Variants in AP3B2 observed in about 807,000 individuals in gnomAD.
AP3B2 encodes the protein adaptor related protein complex 3 subunit beta 2, also known as AP-3 complex subunit beta-2.
A neutral mutation model predicts 126.9 loss-of-function variants in AP3B2; 50 were observed. That is an observed-to-expected ratio of 0.39 (90% CI 0.31 to 0.50). The LOEUF (loss-of-function observed/expected upper bound fraction) is 0.50. Among genes scored for constraint, AP3B2 ranks in the 20% least tolerant of loss-of-function variants. The pLI is 0.79. For synonymous variants in AP3B2, 541 were observed against 565.0 expected (o/e 0.96, Z 0.60); for missense variants, 1,177 against 1,426.4 (o/e 0.83, Z 2.82).
Position 82,680,084 on chromosome 15 carries a change from TC to T in AP3B2, c.1110+90del, listed in dbSNP as rs1567265260. On this transcript the variant is annotated intron_variant, in intron 9 of 26. Transcript: ENST00000535359. The surrounding 1 kb of genome is among the most constrained non-coding windows in gnomAD (Gnocchi z 6.1). Reference sequence around the variant, plus strand: ...CCAGGGTATTCCTCCATCTTCCCTTTCCCCGGCCCCGGTCCCAGCCCCGACA... The same window carrying T: ...CCAGGGTATTCCTCCATCTTCCCTTTCCCGGCCCCGGTCCCAGCCCCGACA... The T allele has an allele frequency of 2.1e-5, 33 of 1,542,198 alleles. No homozygotes were observed. The highest frequency in any genetic ancestry group is 2.8e-5 in the Non-Finnish European group (32 of 1,132,790).
intron 14 of AP3B2, among the ~76,000 whole-genome samples, chr15:82,673,484 G>C (rs1488658825): frequency 6.6e-6 from 1 of 152,200 alleles, no homozygotes; most frequent in African/African-American, 2.4e-5. Flanking sequence ...AAAGTGCTGG[G>C]ATTACAGGTG....
intron 1 of AP3B2, among the ~76,000 whole-genome samples, chr15:82,703,193 C>T (rs2048745930): frequency 6.6e-6 from 1 of 152,178 alleles, no homozygotes; most frequent in East Asian, 1.9e-4. Context: ...TGTCTGATCA[C>T]CGCGAGGATG....
intron 14 of AP3B2, among the ~76,000 whole-genome samples, chr15:82,671,926 C>G (rs1461014991): frequency 1.3e-5 from 2 of 151,858 alleles, no homozygotes; most frequent in East Asian, 3.9e-4. Context: ...CGCCTGTAAT[C>G]CCAGCTACTC....
intron 1 of AP3B2, chr15:82,697,782 G>A (rs1176619016): frequency 6.7e-6 from 1 of 148,280 alleles, no homozygotes; most frequent in Non-Finnish European, 1.5e-5. Context: ...CACCTGGGGG[G>A]ATGCCCCCCA....
chr15:82,707,682 T>C (rs889056477), intron 1 of AP3B2, among the ~76,000 whole-genome samples: 2 of 152,248 alleles, frequency 1.3e-5, no homozygotes, highest in African/African-American at 4.8e-5. Flanking sequence ...TTGGATGTCC[T>C]GGGTCCTCCC....
intron 1 of AP3B2, chr15:82,692,402 C>A: frequency 2.1e-6 from 1 of 479,370 alleles, no homozygotes; most frequent in East Asian, 4.1e-5. Flanking sequence ...CCCGCAGCGT[C>A]CCCGCGGGCT....
intron 4 of AP3B2, chr15:82,687,821 A>C (rs1239412908): frequency 1.3e-5 from 2 of 152,230 alleles, no homozygotes; most frequent in African/African-American, 4.8e-5. Flanking sequence ...AACTAAAAGT[A>C]TCCAGGCTAG....
chr15:82,670,123 G>A (rs1210932624), intron 14 of AP3B2, among the ~76,000 whole-genome samples: 3 of 130,288 alleles, frequency 2.3e-5, no homozygotes, highest in African/African-American at 5.8e-5. Context: ...GGCGGGGGGG[G>A]ACGAAGATGA....
Position 82,676,595 on chromosome 15 carries a change from A to G in AP3B2, c.1531T>C (p.Tyr511His). ...RASILWLIGE[Y>H]CEHVPRIAPD... ...GCAATCCTGGGGACATGCTCACAGT[A>G]CTCTCCGATGAGCCACAGGATGCTG... is the stretch of plus-strand genomic sequence containing the variant. The change falls in exon 14 of 27, where the codon TAC (tyrosine) becomes CAC (histidine). Residue 511 changes from tyrosine (Y) to histidine (H), a missense_variant. Transcript: ENST00000535359. 1.2e-6 allele frequency: 2 copies of G among 1,613,702 alleles called. No individual in the cohort carries two copies. The highest frequency in any genetic ancestry group is 1.7e-6 in the Non-Finnish European group (2 of 1,179,856).
Position 82,688,921 on chromosome 15 carries a change from C to A in AP3B2, c.265-90G>T, listed in dbSNP as rs998656375. On this transcript the variant is annotated intron_variant, in intron 3 of 26. Transcript: ENST00000535359. Reference sequence around the variant, plus strand: ...CCTGGGATGTCATCTCCCCAGCCAGCTGCGGTCCATGGGGACAAACTCTCC... The same window carrying A: ...CCTGGGATGTCATCTCCCCAGCCAGATGCGGTCCATGGGGACAAACTCTCC... 4 of 1,286,336 alleles carry A rather than the reference C, an allele frequency of 3.1e-6. No homozygotes were observed. In the African/African-American group the frequency reaches 4.4e-5, roughly 14 times the overall value. 79.7% of individuals were successfully genotyped at this position (1,286,336 alleles called of 1,614,324 possible).
chr15:82,682,332 C>A (rs2048353461), intron 4 of AP3B2, among the ~76,000 whole-genome samples: 1 of 152,174 alleles, frequency 6.6e-6, no homozygotes, highest in Non-Finnish European at 1.5e-5. Flanking sequence ...GGATTACAGA[C>A]GTGAGCCACC....
At position 82,688,072 on chromosome 15, in the gene AP3B2, C is replaced by G. The variant is rs913087672; in HGVS notation, c.360+664G>C. On this transcript the variant is annotated intron_variant, in intron 4 of 26. Transcript: ENST00000535359. ...TGAGCCATGATTGCACCACTGCACT[C>G]CAGCCTGGGCAACACAGTGAGAACC... 1.6e-5 allele frequency: 3 copies of G among 186,518 alleles called. No homozygotes were observed. In the Admixed American group the frequency reaches 1.6e-4, roughly 10 times the overall value. The allele number at this position is 186,518 out of a possible 1,614,324, so 11.6% of individuals were successfully genotyped here.
chr15:82,695,334 A>C (rs533035700), intron 1 of AP3B2, among the ~76,000 whole-genome samples: 2 of 152,048 alleles, frequency 1.3e-5, no homozygotes, highest in East Asian at 1.9e-4. Flanking sequence ...CCTGACCTCA[A>C]GTGATCCACC....
chr15:82,677,584 CTGG>C, intron 12 of AP3B2, 84 bp downstream of exon 12: 1 of 1,463,268 alleles, frequency 6.8e-7, no homozygotes, highest in Non-Finnish European at 9.1e-7. Flanking sequence ...TCTAGGCAGA[CTGG>C]TGGATATCCA....
chr15:82,695,120 T>C (rs1304280311), intron 1 of AP3B2, among the ~76,000 whole-genome samples: 100 of 143,824 alleles, frequency 7.0e-4, no homozygotes, highest in African/African-American at 2.4e-3. Context: ...TTTTTGACAC[T>C]GAGTCTTGCT....
intron 14 of AP3B2, among the ~76,000 whole-genome samples, chr15:82,668,827 G>T (rs1014987820): frequency 2.6e-5 from 4 of 151,956 alleles, no homozygotes; most frequent in Admixed American, 2.6e-4. Flanking sequence ...ACAGAACAAG[G>T]CTCCCCCTCA....
chr15:82,681,071 T>C lies in AP3B2; in HGVS notation c.588+41A>G. 4 of 1,613,556 alleles carry C rather than the reference T, an allele frequency of 2.5e-6. No homozygotes were observed. Among genetic ancestry groups the C allele is most frequent in the Non-Finnish European group, 3.4e-6 (4 of 1,179,804 alleles). The stretch of plus-strand genomic sequence containing the variant: ...TGAACGCGAAGGGTGGAAGGCCGGC[T>C]GCCGGTCACCACCCCTCCCGGAGCG... On this transcript the variant is annotated intron_variant, in intron 6 of 26. Coordinates refer to ENST00000535359, the MANE Select transcript of AP3B2 (RefSeq NM_001278512.2). This position sits in a 1 kb window ranked among gnomAD's most constrained non-coding sequence, Gnocchi z 4.0.
intron 21 of AP3B2, 45 bp downstream of exon 21, chr15:82,663,515 T>G: frequency 1.3e-6 from 2 of 1,596,660 alleles, no homozygotes; most frequent in Non-Finnish European, 8.6e-7. Context: ...TAATTCATGC[T>G]CCCCAGGCCT....
In AP3B2 at chr15:82,680,158, C is replaced by T. The variant is rs986085559; in HGVS notation, c.1110+17G>A. ...CGGCCCTCGGACAGCGAGGACAGCC[C>T]GCCGTCGCAGGCTCACCCGGCGCTT... On this transcript the variant is annotated intron_variant, in intron 9 of 26. Transcript: ENST00000535359. This position sits in a 1 kb window ranked among gnomAD's most constrained non-coding sequence, Gnocchi z 6.1. 4.3e-6 allele frequency: 7 copies of T among 1,612,814 alleles called. No homozygotes were observed. Among genetic ancestry groups the T allele is most frequent in the African/African-American group, 1.3e-5 (1 of 74,924 alleles).
Sources: allele counts gnomAD v4.1 joint callset (sites outside exome capture counted in the v4.1 genomes callset), GRCh38; gene constraint gnomAD v4.1.1; non-coding constraint Gnocchi (gnomAD v3.1); transcripts MANE v1.5; gene names NCBI Gene and HGNC (gene_info 2026-07-23, HGNC 2026-07-21).